Variants in AGBL4 observed in about 807,000 individuals in gnomAD.
AGBL4 encodes cytosolic carboxypeptidase 6.
Under a neutral mutation model 66.4 loss-of-function variants are expected in AGBL4, and 58 were observed. The observed-to-expected ratio is 0.87, with a 90% CI of 0.71 to 1.09. The LOEUF is 1.09. Among genes scored for constraint, AGBL4 ranks in the 50% least tolerant of loss-of-function variants. AGBL4 has a pLI of 0.00. For synonymous variants in AGBL4, 234 were observed against 222.9 expected, an observed-to-expected ratio of 1.05 and a Z score of -0.44; for missense variants, 579 against 631.0, an observed-to-expected ratio of 0.92 and a Z score of 0.88.
At chr1:48,915,988 G>T (rs1274025422) in intron 5 of AGBL4, among the ~76,000 whole-genome samples, 1 of 152,210 alleles carries the variant, frequency 6.6e-6, no homozygotes, top group Non-Finnish European at 1.5e-5. Context: ...GGGCCTAGCT[G>T]CCTTGAGCCT....
chr1:49,100,002 G>A (rs1645172109), intron 4 of AGBL4, among the ~76,000 whole-genome samples: 1 of 152,098 alleles, frequency 6.6e-6, no homozygotes, highest in Non-Finnish European at 1.5e-5. Flanking sequence ...TGTCAGTCAA[G>A]GTCAGTACTA....
chr1:49,572,590 T>C (rs1856297), intron 3 of AGBL4, among the ~76,000 whole-genome samples: 64,280 of 152,070 alleles, frequency 0.42, 16,116 homozygotes, highest in Non-Finnish European at 0.57. Context: ...GGAGAGTGTA[T>C]GTCCAGGAAT....
intron 3 of AGBL4, among the ~76,000 whole-genome samples, chr1:49,380,055 C>G (rs1348946843): frequency 6.6e-6 from 1 of 152,104 alleles, no homozygotes; most frequent in African/African-American, 2.4e-5. Context: ...AAGAGGAAGT[C>G]AAGTTGTCCC....
chr1:48,673,313 G>C (rs1041803451), intron 6 of AGBL4, among the ~76,000 whole-genome samples: 1 of 152,050 alleles, frequency 6.6e-6, no homozygotes, highest in African/African-American at 2.4e-5. Context: ...TGATATATAT[G>C]AGCACTCCAA....
At chr1:49,772,872 T>A (rs999493982) in intron 2 of AGBL4, among the ~76,000 whole-genome samples, 1 of 152,208 alleles carries the variant, frequency 6.6e-6, no homozygotes, top group African/African-American at 2.4e-5. Flanking sequence ...TGTATCTGAA[T>A]GTCCATATCT....
intron 6 of AGBL4, among the ~76,000 whole-genome samples, chr1:48,756,661 G>C (rs554161107): frequency 6.6e-6 from 1 of 152,360 alleles, no homozygotes; most frequent in Non-Finnish European, 1.5e-5. Flanking sequence ...CTTAAGGGTA[G>C]AGATCCTTTT....
In AGBL4 at chr1:48,590,883, G is replaced by A; in HGVS notation, c.1054C>T (p.Gln352Ter). The change falls in exon 10 of 14, where the codon CAG becomes TAG. Residue 352 changes from glutamine (Q) to a stop codon, truncating the protein, a stop_gained. Transcript: ENST00000371839. LOFTEE classifies it high-confidence loss of function. ...IFEDEERFQR[Q>*]AIFPKLLCQN... is the part of the protein sequence containing the mutation. ...CAGAGGAGCTTGGGAAAAATGGCCT[G>A]CCTCTGGAACCGTTCCTCATCCTCA... 6.2e-7 allele frequency: 1 copy of A among 1,607,270 alleles called. No individual in the cohort carries two copies. The highest frequency in any genetic ancestry group is 1.1e-5 in the South Asian group (1 of 88,976).
intron 3 of AGBL4, among the ~76,000 whole-genome samples, chr1:49,341,853 G>A (rs767133553): frequency 3.3e-5 from 5 of 152,056 alleles, no homozygotes; most frequent in Admixed American, 6.6e-5. Flanking sequence ...CTGACCCTGC[G>A]ACAGGCAATG....
intron 3 of AGBL4, among the ~76,000 whole-genome samples, chr1:49,275,487 GC>G (rs1644150034): frequency 6.6e-6 from 1 of 152,090 alleles, no homozygotes; most frequent in African/African-American, 2.4e-5. Context: ...AGCCTATATG[GC>G]CAATCACTAT....
At chr1:49,978,343 C>T (rs1284508339) in intron 1 of AGBL4, among the ~76,000 whole-genome samples, 1 of 152,116 alleles carries the variant, frequency 6.6e-6, no homozygotes, top group African/African-American at 2.4e-5. Context: ...ACTTAGGAGA[C>T]TGAGGCCAGA....
chr1:49,011,172 A>G (rs1017465835), intron 5 of AGBL4, among the ~76,000 whole-genome samples: 4 of 151,688 alleles, frequency 2.6e-5, no homozygotes, highest in African/African-American at 7.2e-5. Flanking sequence ...ATGAACTCAA[A>G]CAAATTTACA....
At chr1:49,003,787 C>A (rs1661573932) in intron 5 of AGBL4, among the ~76,000 whole-genome samples, 1 of 152,138 alleles carries the variant, frequency 6.6e-6, no homozygotes, top group Admixed American at 6.5e-5. Flanking sequence ...GATACTAGTT[C>A]TGTTGAATTT....
intron 8 of AGBL4, among the ~76,000 whole-genome samples, chr1:48,641,302 G>C (rs1036318463): frequency 2.0e-5 from 3 of 152,168 alleles, no homozygotes; most frequent in Non-Finnish European, 4.4e-5. Flanking sequence ...CTTAGCATGT[G>C]GGTTGGGCTC....
intron 4 of AGBL4, among the ~76,000 whole-genome samples, chr1:49,239,881 G>A (rs1326216869): frequency 1.3e-5 from 2 of 151,948 alleles, no homozygotes; most frequent in East Asian, 3.9e-4. Flanking sequence ...GGTAATAAGT[G>A]CAATGTAAAA....
chr1:49,880,318 G>C (rs1280884170), intron 1 of AGBL4, among the ~76,000 whole-genome samples: 1 of 151,822 alleles, frequency 6.6e-6, no homozygotes, highest in Admixed American at 6.6e-5. Flanking sequence ...TTTGATGATG[G>C]TGATGTACAG....
At chr1:48,712,134 C>T (rs891883957) in intron 6 of AGBL4, among the ~76,000 whole-genome samples, 2 of 152,210 alleles carry the variant, frequency 1.3e-5, no homozygotes, top group Non-Finnish European at 2.9e-5. Context: ...CCTTCTCCCC[C>T]CAGGAAGGGG....
At chr1:49,315,015 A>C (rs1358515878) in intron 3 of AGBL4, among the ~76,000 whole-genome samples, 2 of 152,016 alleles carry the variant, frequency 1.3e-5, no homozygotes, top group Non-Finnish European at 2.9e-5. Flanking sequence ...CTACACTACA[A>C]GACTACAGTA....
At chr1:49,303,639 T>C (rs1644796707) in intron 3 of AGBL4, among the ~76,000 whole-genome samples, 1 of 151,564 alleles carries the variant, frequency 6.6e-6, no homozygotes, top group African/African-American at 2.4e-5. Context: ...TTCTTCTTCT[T>C]TTTTTTTCTT....
intron 4 of AGBL4, among the ~76,000 whole-genome samples, chr1:49,162,875 C>T (rs1646565296): frequency 6.6e-6 from 1 of 152,092 alleles, no homozygotes; most frequent in Non-Finnish European, 1.5e-5. Flanking sequence ...AATAGAAAAT[C>T]AATAACTATG....
Sources: gnomAD v4.1 joint callset for allele counts (sites outside exome capture counted in the v4.1 genomes callset) on GRCh38, gnomAD v4.1.1 for gene constraint, MANE v1.5 for transcripts, NCBI Gene and HGNC (gene_info 2026-07-23, HGNC 2026-07-21) for gene names.